The following RC3H2 variants were observed in gnomAD, a reference collection of about 807,000 sequenced individuals.
RC3H2 encodes roquin-2.
Under a neutral mutation model 133.3 loss-of-function variants are expected in RC3H2, and 31 were observed. The ratio of observed to expected loss-of-function variants is 0.23; its 90% CI spans 0.17 to 0.31. The LOEUF (loss-of-function observed/expected upper bound fraction) is 0.31. Ranked by LOEUF, RC3H2 falls within the 10% of genes least tolerant of loss-of-function variation. RC3H2 has a pLI of 1.00. For synonymous variants in RC3H2, 517 were observed against 502.2 expected (o/e 1.03, Z -0.40); for missense variants, 1,175 against 1,437.2 (o/e 0.82, Z 2.95).
At chr9:122,872,601 C>CT (rs1041792677) in intron 9 of RC3H2, among the ~76,000 whole-genome samples, 63 of 150,374 alleles carry the variant, frequency 4.2e-4, no homozygotes, top group Middle Eastern at 3.4e-3. Context: ...TCTTTTATAA[C>CT]TTTTTTTTTT....
chr9:122,887,741 CTTT>C (rs112010654), intron 4 of RC3H2, among the ~76,000 whole-genome samples: 5 of 118,072 alleles, frequency 4.2e-5, no homozygotes, highest in Non-Finnish European at 3.4e-5. Flanking sequence ...ATACTTGTAT[CTTT>C]TTTTTTTTTT....
At chr9:122,896,352 T>TAAC (rs982603765) in intron 2 of RC3H2, among the ~76,000 whole-genome samples, 14 of 152,134 alleles carry the variant, frequency 9.2e-5, no homozygotes, top group East Asian at 1.9e-4. Flanking sequence ...TAAAAAAAAG[T>TAAC]AACAACAACA....
At position 122,879,810 on chromosome 9, in the gene RC3H2, T is replaced by C; in HGVS notation, c.1157A>G (p.His386Arg). 5 of 1,614,168 alleles carry C rather than the reference T, an allele frequency of 3.1e-6. 1 individual carries two copies. The South Asian group carries it at 4.4e-5, about 14-fold the overall frequency. Residue 386 changes from histidine (H) to arginine (R), a missense_variant, in exon 8 of 21, where the codon CAT (histidine) becomes CGT (arginine). By Grantham distance (29) the His-to-Arg change is conservative. This residue lies in a region of RC3H2 where 131 missense variants were observed against 154.2 expected (regional missense o/e 0.85). Transcript: ENST00000357244. ...ATTTTGTATGAAGTCCACAAGGCCA[T>C]GAACTACTGTTTTAACAGCTACCAT... ...NAMVAVKTVVHGLVDFIQNYS... is the reference protein window; with the variant it reads ...NAMVAVKTVVRGLVDFIQNYS...
rs1832248024 is a variant in RC3H2, at chr9:122,892,922, T to C, written c.336A>G (p.Leu112=). The C allele has an allele frequency of 2.5e-6, 4 of 1,613,130 alleles. No homozygotes were observed. In the Admixed American group the frequency reaches 5.0e-5, roughly 20 times the overall value. ...VEDLALYLKP[L]SGGKGVASLN... ...TTATGAACTTACCTTTACCTCCACTTAGTGGTTTTAAGTAGAGTGCCAAAT... is the reference window on the plus strand; with the variant it reads ...TTATGAACTTACCTTTACCTCCACTCAGTGGTTTTAAGTAGAGTGCCAAAT... Residue 112 remains leucine, a synonymous_variant, in exon 3 of 21, where the codon CTA becomes CTG. Coordinates refer to ENST00000357244, the MANE Select transcript of RC3H2 (RefSeq NM_001100588.3).
At chr9:122,867,277 A>C (rs1278195157) in intron 9 of RC3H2, among the ~76,000 whole-genome samples, 2 of 40,446 alleles carry the variant, frequency 4.9e-5, no homozygotes, top group East Asian at 1.2e-3. Context: ...TCCGGGAGGG[A>C]GGTGGGGGGG....
chr9:122,851,407 T>C lies in RC3H2; in HGVS notation c.3147A>G (p.Thr1049=), dbSNP rs751165305. Residue 1049 remains threonine, a synonymous_variant, in exon 19 of 21, where the codon ACA becomes ACG. Transcript: ENST00000357244. ...CGATATCCCTATCAGGTTTAGTATC[T>C]GTTGCATCTTCTGTATAATCACTCT... ...ELQSDYTEDA[T]DTKPDRDIEL... The C allele has an allele frequency of 6.2e-7, 1 of 1,614,198 alleles. No homozygotes were observed. Among genetic ancestry groups the C allele is most frequent in the Non-Finnish European group, 8.5e-7 (1 of 1,180,028 alleles).
chr9:122,846,663 A>G lies in RC3H2; in HGVS notation c.*2964T>C, dbSNP rs1829874987. ...CTCAGACTATTTTTTCTGATTAGACAATAGGTAACATATGCAGTTTGGTTA... is the reference window on the plus strand; with the variant it reads ...CTCAGACTATTTTTTCTGATTAGACGATAGGTAACATATGCAGTTTGGTTA... On this transcript the variant is annotated 3_prime_UTR_variant, in exon 21 of 21. Coordinates refer to ENST00000357244, the MANE Select transcript of RC3H2 (RefSeq NM_001100588.3). 2.0e-5 allele frequency: 3 copies of G among 152,194 alleles called. No homozygotes were observed. 9.4% of individuals were successfully genotyped at this position (152,194 alleles called of 1,614,324 possible).
intron 18 of RC3H2, 135 bp downstream of exon 18, chr9:122,853,817 G>A (rs1237056110): frequency 1.3e-6 from 2 of 1,531,908 alleles, no homozygotes; most frequent in Admixed American, 4.2e-5. Flanking sequence ...TTTTATTTCT[G>A]TTATAAGTTT....
chr9:122,885,384 T>C (rs979353750), intron 4 of RC3H2, among the ~76,000 whole-genome samples: 2 of 152,188 alleles, frequency 1.3e-5, no homozygotes, highest in African/African-American at 4.8e-5. Context: ...AAATTACAAA[T>C]ACATGGTTAT....
intron 10 of RC3H2, among the ~76,000 whole-genome samples, chr9:122,863,063 C>T (rs374282098): frequency 3.1e-4 from 47 of 152,264 alleles, no homozygotes; most frequent in Middle Eastern, 3.4e-3. Flanking sequence ...GAAACCTGTA[C>T]CCATTAGCAT....
In RC3H2 at chr9:122,855,315, G is replaced by C; in HGVS notation, c.2684C>G (p.Pro895Arg). 1 of 1,614,000 alleles carries C rather than the reference G, an allele frequency of 6.2e-7. No individual in the cohort carries two copies. Among genetic ancestry groups the C allele is most frequent in the Non-Finnish European group, 8.5e-7 (1 of 1,179,974 alleles). The change falls in exon 15 of 21, where the codon CCC becomes CGC. Residue 895 changes from proline (P) to arginine (R), a missense_variant. Around this residue, in one of 8 missense-constraint regions of RC3H2, gnomAD observed 138 missense variants for 215.0 expected, o/e 0.64. Coordinates refer to ENST00000357244, the MANE Select transcript of RC3H2 (RefSeq NM_001100588.3). ...TGAGATGATGGGTCCATCACTAAAG[G>C]GAATTATTGGATCTTCTTCTTTTGT... ...RRTKEEDPII[P>R]FSDGPIISKW...
chr9:122,898,345 GA>G (rs1832507164), intron 1 of RC3H2, among the ~76,000 whole-genome samples: 2 of 152,108 alleles, frequency 1.3e-5, no homozygotes, highest in African/African-American at 4.8e-5. Flanking sequence ...AAAGTCCAAT[GA>G]GGAAGACACA....
At chr9:122,852,954 G>A (rs1043257755) in intron 18 of RC3H2, among the ~76,000 whole-genome samples, 6 of 152,216 alleles carry the variant, frequency 3.9e-5, no homozygotes, top group African/African-American at 1.4e-4. Context: ...GGAAAGGTGG[G>A]GAAAAGATTG....
chr9:122,852,170 A>G (rs1416053697), intron 18 of RC3H2, among the ~76,000 whole-genome samples: 10 of 104,408 alleles, frequency 9.6e-5, no homozygotes, highest in African/African-American at 3.0e-4. Context: ...GATGTGAGGA[A>G]TGCCTCTGCC....
intron 2 of RC3H2, 149 bp downstream of exon 2, chr9:122,897,130 T>C (rs1588114898): frequency 1.5e-6 from 1 of 653,786 alleles, no homozygotes; most frequent in Admixed American, 3.1e-5. Flanking sequence ...AATCTCACAA[T>C]GTTTTAAGGA....
rs1269182370 is a variant in RC3H2, at chr9:122,846,936, A to G, written c.*2691T>C. 6.6e-6 allele frequency: 1 copy of G among 152,192 alleles called. No homozygotes were observed. The highest frequency in any genetic ancestry group is 2.4e-5 in the African/African-American group (1 of 41,472). The allele number at this position is 152,192 out of a possible 1,614,324, so 9.4% of individuals were successfully genotyped here. ...GGCTTTACTTCACATTAAGCCCACCATGACAGACAGAAGGTGACCACTACA... is the reference window on the plus strand; with the variant it reads ...GGCTTTACTTCACATTAAGCCCACCGTGACAGACAGAAGGTGACCACTACA... On this transcript the variant is annotated 3_prime_UTR_variant, in exon 21 of 21. Transcript: ENST00000357244.
chr9:122,884,274 C>T (rs1831794045), intron 4 of RC3H2, among the ~76,000 whole-genome samples: 2 of 151,748 alleles, frequency 1.3e-5, no homozygotes, highest in African/African-American at 4.8e-5. Context: ...GCCTCAGCAA[C>T]AATGCGAGAC....
At chr9:122,864,960 C>T (rs1394092360) in intron 10 of RC3H2, among the ~76,000 whole-genome samples, 1 of 152,074 alleles carries the variant, frequency 6.6e-6, no homozygotes, top group Non-Finnish European at 1.5e-5. Flanking sequence ...AAAGTGAAAG[C>T]GCTCTGACTG....
rs1373640007 is a variant in RC3H2 at position 122,852,561 on chromosome 9, C to T, written c.3118-1125G>A. On this transcript the variant is annotated intron_variant, in intron 18 of 20. Transcript: ENST00000357244. ...GGGGTCAGCCCCCCGCCCGGCCAGC[C>T]GCCCCGTCCGGGAGGGAGGTGTGGG... Among the ~76,000 whole-genome samples, 11 of 150,568 alleles carry T rather than the reference C, an allele frequency of 7.3e-5. No individual in the cohort carries two copies. The East Asian group carries it at 1.4e-3, about 19-fold the overall frequency.
Sources: allele counts gnomAD v4.1 joint callset (sites outside exome capture counted in the v4.1 genomes callset), GRCh38; gene constraint gnomAD v4.1.1; regional missense constraint gnomAD v4.1.1; transcripts MANE v1.5; gene names NCBI Gene and HGNC (gene_info 2026-07-23, HGNC 2026-07-21).